ALDH8A1: variants seen among roughly 807,000 people sequenced by gnomAD.
ALDH8A1 encodes aldehyde dehydrogenase 8 family member A1.
A neutral mutation model predicts 43.3 loss-of-function variants in ALDH8A1; 39 were observed. That is an observed-to-expected ratio of 0.90 (90% confidence interval 0.70 to 1.18). The LOEUF (loss-of-function observed/expected upper bound fraction) is 1.18. Ranked by LOEUF, ALDH8A1 falls within the 50% of genes most tolerant of loss-of-function variation. ALDH8A1 has a pLI of 0.00. For missense variants in ALDH8A1, 605 were observed against 622.6 expected (o/e 0.97, Z 0.30); for synonymous variants, 233 against 243.5 (o/e 0.96, Z 0.40).
Position 134,918,065 on chromosome 6 carries a change from A to G in ALDH8A1, c.*350T>C, listed in dbSNP as rs1273316019. ...GGCATGAGGCACTGTGCCTGATTGC[A>G]TATTTTTTAAAATTTACCAAATGAA... is the stretch of plus-strand genomic sequence containing the variant. On this transcript the variant is annotated 3_prime_UTR_variant, in exon 7 of 7. Transcript: ENST00000265605. 2 of 267,912 alleles carry G rather than the reference A, an allele frequency of 7.5e-6. No homozygotes were observed. Among genetic ancestry groups the G allele is most frequent in the Admixed American group, 1.0e-4 (2 of 20,034 alleles). The allele number at this position is 267,912 out of a possible 1,614,324, so 16.6% of individuals were successfully genotyped here. A position where few individuals can be genotyped will look rare whatever the true frequency, so the allele number is the denominator to read the frequency against.
chr6:134,936,971 G>A (rs1200230805), intron 4 of ALDH8A1, among the ~76,000 whole-genome samples: 2 of 152,050 alleles, frequency 1.3e-5, no homozygotes, highest in African/African-American at 4.8e-5. Flanking sequence ...TCAAATGTAG[G>A]GGCTTGGCAG....
chr6:134,918,434 G>A lies in ALDH8A1; in HGVS notation c.1445C>T (p.Thr482Ile). 6.2e-7 allele frequency: 1 copy of A among 1,614,148 alleles called. No homozygotes were observed. The highest frequency in any genetic ancestry group is 8.5e-7 in the Non-Finnish European group (1 of 1,180,008). ...CAAAGATCAGTGTTTAACGGTGATG[G>A]TTTTGATCTCAGTGAAGAAGTCGTA... is the stretch of plus-strand genomic sequence containing the variant. ...DSYDFFTEIK[T>I]ITVKH is the part of the protein sequence containing the mutation. The change falls in exon 7 of 7, where the codon ACC becomes ATC. Residue 482 changes from threonine (T) to isoleucine (I), a missense_variant. By Grantham distance (89) the Thr-to-Ile change is moderately conservative. Transcript: ENST00000265605.
At position 134,945,694 on chromosome 6, in the gene ALDH8A1, C is replaced by T. The variant is rs1387967106; in HGVS notation, c.139-1728G>A. ...CAGACTCAGAATCCTTTTCCATAGG[C>T]TTCTGGCAGCCGTGAGCATCTTTTT... is the stretch of plus-strand genomic sequence containing the variant. On this transcript the variant is annotated intron_variant, in intron 1 of 6. Transcript: ENST00000265605. Among the ~76,000 whole-genome samples, 3 of 152,170 alleles carry T rather than the reference C, an allele frequency of 2.0e-5. No individual in the cohort carries two copies. In the East Asian group the frequency reaches 5.8e-4, roughly 29 times the overall value.
intron 4 of ALDH8A1, among the ~76,000 whole-genome samples, chr6:134,935,104 C>T (rs1773706577): frequency 6.6e-6 from 1 of 152,216 alleles, no homozygotes; most frequent in South Asian, 2.1e-4. Flanking sequence ...GGCTACGCTT[C>T]CCAGCCTGCA....
intron 6 of ALDH8A1, among the ~76,000 whole-genome samples, chr6:134,920,150 G>A (rs143746910): frequency 6.6e-6 from 1 of 152,176 alleles, no homozygotes; most frequent in East Asian, 1.9e-4. Context: ...TGGTCTCAAG[G>A]GATCCGCCCA....
intron 6 of ALDH8A1, among the ~76,000 whole-genome samples, chr6:134,924,576 G>A (rs966249621): frequency 9.9e-5 from 15 of 152,020 alleles, no homozygotes; most frequent in Admixed American, 2.0e-4. Context: ...ATCACAACAC[G>A]CATATCCCAG....
At chr6:134,947,386 A>G (rs1283073914) in intron 1 of ALDH8A1, among the ~76,000 whole-genome samples, 1 of 152,190 alleles carries the variant, frequency 6.6e-6, no homozygotes, top group Non-Finnish European at 1.5e-5. Flanking sequence ...AAATAAAATA[A>G]TATCAAGCTA....
Position 134,929,215 on chromosome 6 carries a change from C to T in ALDH8A1, c.850G>A (p.Gly284Ser). 6.2e-7 allele frequency: 1 copy of T among 1,613,716 alleles called. No homozygotes were observed. Residue 284 changes from glycine to serine, a missense_variant and splice_region_variant, in exon 6 of 7, where the codon GGT becomes AGT. By Grantham distance (56) the Gly-to-Ser change is moderately conservative. Transcript: ENST00000265605. ...CTGCTGGTACAGAGACAGATTTCAC[C>T]CTGCCAAGAATGAGAACAGGGATAA... ...ATVRSSFANQ[G>S]EICLCTSRIF... is the part of the protein sequence containing the mutation.
At chr6:134,942,176 T>A (rs144373394) in intron 3 of ALDH8A1, 5 of 342,360 alleles carry the variant, frequency 1.5e-5, no homozygotes, top group Non-Finnish European at 2.0e-5. Flanking sequence ...GCCGAGATCA[T>A]GCCACTGCAC....
At chr6:134,944,112 G>T (rs1321627027) in intron 1 of ALDH8A1, 146 bp from the exon 2 acceptor site, 2 of 1,154,124 alleles carry the variant, frequency 1.7e-6, no homozygotes, top group African/African-American at 1.6e-5. Context: ...CTGTAGCCCA[G>T]CCTGGAGGGC....
At chr6:134,941,684 C>A (rs1166872659) in intron 3 of ALDH8A1, among the ~76,000 whole-genome samples, 1 of 151,958 alleles carries the variant, frequency 6.6e-6, no homozygotes, top group Non-Finnish European at 1.5e-5. Context: ...GCCACCGCGC[C>A]CGGTGAATTT....
intron 4 of ALDH8A1, among the ~76,000 whole-genome samples, chr6:134,935,654 T>G (rs1773722042): frequency 6.6e-6 from 1 of 152,208 alleles, no homozygotes; most frequent in Non-Finnish European, 1.5e-5. Flanking sequence ...CTCGGCTTTG[T>G]GACCTGCTTC....
chr6:134,940,702 T>C (rs1011244830), intron 3 of ALDH8A1, among the ~76,000 whole-genome samples: 6 of 152,176 alleles, frequency 3.9e-5, no homozygotes, highest in Non-Finnish European at 7.4e-5. Context: ...AACAAACAAA[T>C]ATAAAAATCT....
At position 134,918,356 on chromosome 6, in the gene ALDH8A1, T is replaced by C. The variant is rs919134614; in HGVS notation, c.*59A>G. 1.1e-5 allele frequency: 16 copies of C among 1,513,982 alleles called. No individual in the cohort carries two copies. Among genetic ancestry groups the C allele is most frequent in the African/African-American group, 4.1e-5 (3 of 72,622 alleles). The allele number at this position is 1,513,982 out of a possible 1,614,324, so 93.8% of individuals were successfully genotyped here. On this transcript the variant is annotated 3_prime_UTR_variant, in exon 7 of 7. Coordinates refer to ENST00000265605, the MANE Select transcript of ALDH8A1 (RefSeq NM_022568.4). The stretch of plus-strand genomic sequence containing the variant: ...CATGCCATGATTTTCATCTACCACA[T>C]TGAACAACTGATGCCTGCAGCCAGG...
At chr6:134,935,785 T>C (rs556811732) in intron 4 of ALDH8A1, among the ~76,000 whole-genome samples, 11 of 152,150 alleles carry the variant, frequency 7.2e-5, no homozygotes, top group Admixed American at 2.6e-4. Context: ...ATAATATAAA[T>C]ACTAATTTCA....
chr6:134,944,070 G>A, intron 1 of ALDH8A1, 104 bp from the exon 2 acceptor site: 1 of 1,388,042 alleles, frequency 7.2e-7, no homozygotes. Flanking sequence ...TTTTTGTTTT[G>A]TTTTGTTTTG....
rs765691544 is a variant in ALDH8A1, at chr6:134,943,934, G to A, written c.171C>T (p.Ala57=). The change falls in exon 2 of 7, where the codon GCC becomes GCT. Residue 57 remains alanine (A), a synonymous_variant. Coordinates refer to ENST00000265605, the MANE Select transcript of ALDH8A1 (RefSeq NM_022568.4). ...IEAAVKAARE[A]FPSWSSRSPQ... is the part of the protein sequence containing the mutation. ...GGCTGCGGGATGACCAGCTGGGAAA[G>A]GCTTCTCTGGCGGCCTTGACCGCGG... is the stretch of plus-strand genomic sequence containing the variant. 6.2e-7 allele frequency: 1 copy of A among 1,614,168 alleles called. No individual in the cohort carries two copies. Among genetic ancestry groups the A allele is most frequent in the South Asian group, 1.1e-5 (1 of 91,076 alleles).
At chr6:134,940,637 A>G (rs548250396) in intron 3 of ALDH8A1, among the ~76,000 whole-genome samples, 2 of 152,346 alleles carry the variant, frequency 1.3e-5, no homozygotes, top group African/African-American at 2.4e-5. Context: ...CGTAACCAGC[A>G]GCTAGAATGT....
At position 134,919,776 on chromosome 6, in the gene ALDH8A1, C is replaced by G. The variant is rs553721533; in HGVS notation, c.1012-909G>C. Among the ~76,000 whole-genome samples the G allele has an allele frequency of 4.2e-4, 64 of 152,116 alleles. 1 individual carries two copies. The South Asian group carries it at 0.013, about 32-fold the overall frequency. On this transcript the variant is annotated intron_variant, in intron 6 of 6. Transcript: ENST00000265605. Reference sequence around the variant, plus strand: ...TTACTTATCTATCGAGCATTCTGCCCCAGGATTACATTAGAACTCCATTGT... The same window carrying G: ...TTACTTATCTATCGAGCATTCTGCCGCAGGATTACATTAGAACTCCATTGT...
Sources: allele counts gnomAD v4.1 joint callset (sites outside exome capture counted in the v4.1 genomes callset), GRCh38; gene constraint gnomAD v4.1.1; transcripts MANE v1.5; gene names NCBI Gene and HGNC (gene_info 2026-07-23, HGNC 2026-07-21).